Variants in IGBP1 observed in about 807,000 individuals in gnomAD.
The protein encoded by IGBP1 is immunoglobulin-binding protein 1.
IGBP1 carries 2 observed loss-of-function variants against 25.9 expected under a neutral mutation model. That is an observed-to-expected ratio of 0.08 (90% confidence interval 0.03 to 0.24). The LOEUF is 0.24. Among genes scored for constraint, IGBP1 ranks in the 10% least tolerant of loss-of-function variants. IGBP1 has a pLI of 1.00. For synonymous variants in IGBP1, 96 were observed against 93.4 expected (o/e 1.03, Z -0.16); for missense variants, 187 against 260.4 (o/e 0.72, Z 1.94).
At chrX:70,150,960 C>CT (rs781386144) in intron 6 of IGBP1, among the ~76,000 whole-genome samples, 1,314 of 99,283 alleles carry the variant, frequency 0.013, 7 homozygotes, top group African/African-American at 0.018. Flanking sequence ...ACTCCTGTCA[C>CT]TTTTTTTTTT....
intron 3 of IGBP1, among the ~76,000 whole-genome samples, chrX:70,145,545 C>A (rs2085160483): frequency 9.0e-6 from 1 of 111,192 alleles, no homozygotes; most frequent in African/African-American, 3.3e-5. Context: ...TCAAAAGCCT[C>A]CAGTGGCTTT....
At chrX:70,163,861 A>G (rs1331100266) in intron 6 of IGBP1, 1 of 112,325 alleles carries the variant, frequency 8.9e-6, no homozygotes, top group African/African-American at 3.2e-5. Context: ...TTCAACAGAT[A>G]ACTTGAAAGA....
At chrX:70,138,042 A>G (rs954409468) in intron 3 of IGBP1, among the ~76,000 whole-genome samples, 6 of 110,080 alleles carry the variant, frequency 5.5e-5, no homozygotes, top group Admixed American at 1.9e-4. Flanking sequence ...AGGCTGAGGC[A>G]GCAGAATCGC....
At chrX:70,151,022 G>A (rs1316248575) in intron 6 of IGBP1, among the ~76,000 whole-genome samples, 1 of 108,935 alleles carries the variant, frequency 9.2e-6, no homozygotes, top group Non-Finnish European at 1.9e-5. Context: ...GTGCAATGGC[G>A]CGATCTTGGC....
chrX:70,158,966 A>G (rs2085256626), intron 6 of IGBP1, among the ~76,000 whole-genome samples: 1 of 112,807 alleles, frequency 8.9e-6, no homozygotes, highest in East Asian at 2.8e-4. Flanking sequence ...GTCAAACCCT[A>G]CACAAAGTTA....
At position 70,149,692 on chromosome X, in the gene IGBP1, TAAAAC is replaced by T. The variant is rs1464541647; in HGVS notation, c.759-513_759-509del. 1.4e-3 allele frequency: 161 copies of T among 114,256 alleles called. 1 individual carries two copies. Among genetic ancestry groups the T allele is most frequent in the Non-Finnish European group, 2.2e-3 (127 of 57,087 alleles). 9.4% of individuals were successfully genotyped at this position (114,256 alleles called of 1,213,427 possible). A position where few individuals can be genotyped will look rare whatever the true frequency, so the allele number is the denominator to read the frequency against. ...AAAAGCACACATGTAAACAAGCAAA[TAAAAC>T]AAAAAAGGAAAATAATTGAATGGAG... On this transcript the variant is annotated intron_variant, in intron 5 of 6. Coordinates refer to ENST00000356413, the MANE Select transcript of IGBP1 (RefSeq NM_001551.3).
chrX:70,159,441 C>T (rs950511498), intron 6 of IGBP1, among the ~76,000 whole-genome samples: 3 of 111,634 alleles, frequency 2.7e-5, no homozygotes, highest in Admixed American at 9.5e-5. Context: ...TTGGGTGTGA[C>T]GCGACCCACA....
At chrX:70,148,380 G>A (rs1006014717) in intron 4 of IGBP1, among the ~76,000 whole-genome samples, 3 of 112,097 alleles carry the variant, frequency 2.7e-5, no homozygotes, top group Non-Finnish European at 5.6e-5. Flanking sequence ...GGGTCGTAGT[G>A]ATTCAACTTT....
chrX:70,153,204 C>T (rs1019531110), intron 6 of IGBP1, among the ~76,000 whole-genome samples: 3 of 111,708 alleles, frequency 2.7e-5, no homozygotes, highest in Non-Finnish European at 5.6e-5. Flanking sequence ...TAATTTTATA[C>T]CCAGTGAAAA....
intron 6 of IGBP1, among the ~76,000 whole-genome samples, chrX:70,159,792 T>C (rs909372129): frequency 3.6e-5 from 4 of 110,875 alleles, no homozygotes; most frequent in African/African-American, 1.3e-4. Context: ...AAGAAGATGC[T>C]GTATAGTGGT....
intron 2 of IGBP1, 27 bp from the exon 3 acceptor site, chrX:70,134,496 T>C (rs778500822): frequency 2.5e-6 from 3 of 1,203,558 alleles, no homozygotes; most frequent in East Asian, 5.9e-5. Flanking sequence ...CTAGTCAGGC[T>C]TCACTGCCTC....
intron 5 of IGBP1, 114 bp downstream of exon 5, chrX:70,148,954 C>T (rs1005959277): frequency 1.9e-5 from 11 of 579,516 alleles, no homozygotes; most frequent in Non-Finnish European, 2.9e-5. Flanking sequence ...CTTGGGTGGG[C>T]GAGGTGGCTC....
chrX:70,148,115 T>C (rs193261780), intron 4 of IGBP1, among the ~76,000 whole-genome samples: 1 of 112,095 alleles, frequency 8.9e-6, no homozygotes, highest in Non-Finnish European at 1.9e-5. Flanking sequence ...TGTTGTTGTT[T>C]TAATGTGCTT....
At chrX:70,147,670 CTGGTAAAGAAACCTGG>C (rs1233444643) in intron 4 of IGBP1, among the ~76,000 whole-genome samples, 1 of 112,060 alleles carries the variant, frequency 8.9e-6, no homozygotes, top group Non-Finnish European at 1.9e-5. Context: ...GTCCAGTAAA[CTGGTAAAGAAACCTGG>C]TGTAACAGCT....
At chrX:70,159,643 G>A (rs902598868) in intron 6 of IGBP1, among the ~76,000 whole-genome samples, 2 of 111,319 alleles carry the variant, frequency 1.8e-5, no homozygotes, top group Non-Finnish European at 3.8e-5. Flanking sequence ...TCAGTAGCTC[G>A]GGCCCAGGGG....
At chrX:70,141,073 C>T (rs1034926301) in intron 3 of IGBP1, among the ~76,000 whole-genome samples, 3 of 110,877 alleles carry the variant, frequency 2.7e-5, no homozygotes, top group Non-Finnish European at 5.7e-5. Context: ...TGGCTGGGTG[C>T]GGTCTCTCAC....
intron 3 of IGBP1, among the ~76,000 whole-genome samples, chrX:70,139,659 A>T (rs184894572): frequency 1.8e-5 from 2 of 111,867 alleles, no homozygotes; most frequent in East Asian, 5.6e-4. Context: ...GAAACCTAGG[A>T]TTTAGCTTCA....
At chrX:70,154,649 T>G (rs2085226057) in intron 6 of IGBP1, among the ~76,000 whole-genome samples, 1 of 86,683 alleles carries the variant, frequency 1.2e-5, no homozygotes, top group African/African-American at 4.5e-5. Context: ...GAGGCCAAAG[T>G]GGGAGGATCC....
intron 3 of IGBP1, among the ~76,000 whole-genome samples, chrX:70,142,389 G>A (rs1434576476): frequency 1.8e-5 from 2 of 111,044 alleles, no homozygotes; most frequent in Admixed American, 1.9e-4. Flanking sequence ...GAGGGAAAGT[G>A]TTTCTAAGAC....
Sources: gnomAD v4.1 joint callset for allele counts (sites outside exome capture counted in the v4.1 genomes callset) on GRCh38, gnomAD v4.1.1 for gene constraint, MANE v1.5 for transcripts, NCBI Gene and HGNC (gene_info 2026-07-23, HGNC 2026-07-21) for gene names.